BEGAIN: variants seen among roughly 807,000 people sequenced by gnomAD.
BEGAIN encodes the protein brain-enriched guanylate kinase-associated protein.
Under a neutral mutation model 35.8 loss-of-function variants are expected in BEGAIN, and 19 were observed. That is an observed-to-expected ratio of 0.53 (90% CI 0.37 to 0.78). The LOEUF (loss-of-function observed/expected upper bound fraction) is 0.78, where lower values mean the gene tolerates loss of function less well. BEGAIN is among the 30% of genes least tolerant of loss of function. BEGAIN has a pLI of 0.00. For missense variants in BEGAIN, 795 were observed against 853.6 expected (o/e 0.93, Z 0.85); for synonymous variants, 462 against 388.6 (o/e 1.19, Z -2.22).
rs1413113831 is a variant in BEGAIN at position 100,567,901 on chromosome 14, C to T, written c.71+10G>A. The T allele has an allele frequency of 6.8e-7, 1 of 1,468,038 alleles. No homozygotes were observed. The highest frequency in any genetic ancestry group is 3.1e-5 in the East Asian group (1 of 32,284). 90.9% of individuals were successfully genotyped at this position (1,468,038 alleles called of 1,614,324 possible). A position where few individuals can be genotyped will look rare whatever the true frequency, so the allele number is the denominator to read the frequency against. On this transcript the variant is annotated intron_variant, in intron 2 of 6. Coordinates refer to ENST00000554140, the MANE Select transcript of BEGAIN (RefSeq NM_001385089.1). This position sits in a 1 kb window ranked among gnomAD's most constrained non-coding sequence, Gnocchi z 5.1. ...CCCGCGAGCCGCGGCACGGGAGACGCTCCACTCACCTGAGTTTCTCCATGT... is the reference window on the plus strand; with the variant it reads ...CCCGCGAGCCGCGGCACGGGAGACGTTCCACTCACCTGAGTTTCTCCATGT...
At position 100,563,497 on chromosome 14, in the gene BEGAIN, G is replaced by A. The variant is rs1170983242; in HGVS notation, c.71+4414C>T. Reference sequence around the variant, plus strand: ...GTGGCTGCTGCATGTGTAACTGACAGTGTGAAGAGCTCCCACAAATCAATG... The same window carrying A: ...GTGGCTGCTGCATGTGTAACTGACAATGTGAAGAGCTCCCACAAATCAATG... On this transcript the variant is annotated intron_variant, in intron 2 of 6. Coordinates refer to ENST00000554140, the MANE Select transcript of BEGAIN (RefSeq NM_001385089.1). The surrounding 1 kb of genome is among the most constrained non-coding windows in gnomAD (Gnocchi z 4.2). Among the ~76,000 whole-genome samples the A allele has an allele frequency of 6.6e-6, 1 of 152,268 alleles. No individual in the cohort carries two copies. Among genetic ancestry groups the A allele is most frequent in the Non-Finnish European group, 1.5e-5 (1 of 68,046 alleles).
chr14:100,582,681 C>G (rs919060714), intron 1 of BEGAIN, among the ~76,000 whole-genome samples: 1 of 152,148 alleles, frequency 6.6e-6, no homozygotes, highest in Non-Finnish European at 1.5e-5. Flanking sequence ...AGGGAGATCC[C>G]TGGGCAAGGA....
At position 100,587,400 on chromosome 14, in the gene BEGAIN, C is replaced by T. The variant is rs1204800903; in HGVS notation, c.-110G>A. On this transcript the variant is annotated 5_prime_UTR_variant, in exon 1 of 7. Transcript: ENST00000554140. ...GCGGCCGGGGCTCCCCCACCCCGCC[C>T]GGCTTCCCGCAGGGAGCGCCCGCCC... 1 of 145,814 alleles carries T rather than the reference C, an allele frequency of 6.9e-6. No individual in the cohort carries two copies. Among genetic ancestry groups the T allele is most frequent in the African/African-American group, 2.5e-5 (1 of 40,572 alleles). 9.0% of individuals were successfully genotyped at this position (145,814 alleles called of 1,614,324 possible).
In BEGAIN at chr14:100,539,035, C is replaced by G. The variant is rs199580206; in HGVS notation, c.773G>C (p.Arg258Pro). The G allele has an allele frequency of 3.1e-6, 5 of 1,611,912 alleles. No homozygotes were observed. The highest frequency in any genetic ancestry group is 4.2e-6 in the Non-Finnish European group (5 of 1,179,506). ...CACGCTAGGCCGCCGGTCTCGCCGC[C>G]GCTCCTCCGGGCAGTAGAGGGCTGT... ...SDTALYCPEE[R>P]RRDRRPSVDA... Residue 258 changes from arginine to proline, a missense_variant, in exon 7 of 7, where the codon CGG becomes CCG. Around this residue, in one of 3 missense-constraint regions of BEGAIN, gnomAD observed 664 missense variants for 647.7 expected, o/e 1.03. Transcript: ENST00000554140.
At chr14:100,546,809 C>CT in intron 2 of BEGAIN, 147 bp from the exon 3 acceptor site, 1 of 597,014 alleles carries the variant, frequency 1.7e-6, no homozygotes, top group Non-Finnish European at 2.6e-6. Flanking sequence ...CACACACACA[C>CT]ACACTCACAC....
chr14:100,572,635 G>C (rs567760346), intron 1 of BEGAIN, among the ~76,000 whole-genome samples: 5 of 152,308 alleles, frequency 3.3e-5, no homozygotes, highest in African/African-American at 1.2e-4. Flanking sequence ...GAGCCCTGGG[G>C]GGTTGGGCCT....
rs2034946670 is a variant in BEGAIN, at chr14:100,568,808, A to G, written c.43-869T>C. 1.1e-6 allele frequency: 1 copy of G among 944,888 alleles called. No homozygotes were observed. The highest frequency in any genetic ancestry group is 1.3e-6 in the Non-Finnish European group (1 of 793,006). 58.5% of individuals were successfully genotyped at this position (944,888 alleles called of 1,614,324 possible). The stretch of plus-strand genomic sequence containing the variant: ...GGGCGGGCTCTCTATCACCCGGGAG[A>G]GGCCGCTCCCCGGGGCTTTGCCCGT... On this transcript the variant is annotated intron_variant, in intron 1 of 6. Transcript: ENST00000554140. The surrounding 1 kb of genome is among the most constrained non-coding windows in gnomAD (Gnocchi z 7.5).
rs888364673 is a variant in BEGAIN, at chr14:100,586,585, C to T, written c.42+664G>A. Among the ~76,000 whole-genome samples the T allele has an allele frequency of 2.6e-5, 4 of 152,158 alleles. No individual in the cohort carries two copies. Among genetic ancestry groups the T allele is most frequent in the African/African-American group, 9.6e-5 (4 of 41,468 alleles). ...CGCTGGGGCAGAAATTCCCATCCAA[C>T]GTGCTGGGGCTCAGGGAGGGTGAGC... On this transcript the variant is annotated intron_variant, in intron 1 of 6. Transcript: ENST00000554140. The surrounding 1 kb of genome is among the most constrained non-coding windows in gnomAD (Gnocchi z 4.9).
rs2034908554 is a variant in BEGAIN, at chr14:100,568,436, G to T, written c.43-497C>A. The T allele has an allele frequency of 7.8e-7, 1 of 1,283,218 alleles. No homozygotes were observed. The highest frequency in any genetic ancestry group is 1.5e-5 in the African/African-American group (1 of 65,626). 79.5% of individuals were successfully genotyped at this position (1,283,218 alleles called of 1,614,324 possible). ...GGGGCCGTGCAGGATTGCAGAACCT[G>T]ACACTCACACAATCCGAGGGCGATG... On this transcript the variant is annotated intron_variant, in intron 1 of 6. Transcript: ENST00000554140. The surrounding 1 kb of genome is among the most constrained non-coding windows in gnomAD (Gnocchi z 7.5).
At chr14:100,555,866 C>A (rs2033669201) in intron 2 of BEGAIN, among the ~76,000 whole-genome samples, 2 of 152,152 alleles carry the variant, frequency 1.3e-5, no homozygotes, top group Admixed American at 6.5e-5. Flanking sequence ...CCGTGGCTGA[C>A]CTCTGCAGTG....
chr14:100,552,428 G>A (rs539918139), intron 2 of BEGAIN, among the ~76,000 whole-genome samples: 51 of 152,310 alleles, frequency 3.3e-4, no homozygotes, highest in African/African-American at 1.2e-3. Context: ...GAGAAAACTG[G>A]GACCCAGAGA....
chr14:100,539,123 A>C lies in BEGAIN; in HGVS notation c.685T>G (p.Cys229Gly), dbSNP rs2031141283. The C allele has an allele frequency of 6.2e-7, 1 of 1,606,976 alleles. No individual in the cohort carries two copies. Among genetic ancestry groups the C allele is most frequent in the African/African-American group, 1.3e-5 (1 of 74,768 alleles). ...GGGCCTGGTTTCTCCACCCCGTCGC[A>C]GAAGGCCAGGTCGCGGGCGGAGGCA... Reference protein sequence around the residue: ...SDASARDLAFCDGVEKPGPRP... With the variant: ...SDASARDLAFGDGVEKPGPRP... The change falls in exon 7 of 7, where the codon TGC becomes GGC. Residue 229 changes from cysteine (C) to glycine (G), a missense_variant. Coordinates refer to ENST00000554140, the MANE Select transcript of BEGAIN (RefSeq NM_001385089.1).
intron 1 of BEGAIN, among the ~76,000 whole-genome samples, chr14:100,574,402 G>A (rs1165698609): frequency 2.6e-5 from 4 of 152,190 alleles, no homozygotes; most frequent in African/African-American, 9.6e-5. Flanking sequence ...TTCATACAGG[G>A]CCTCCCTTTT....
At chr14:100,580,651 C>A (rs971463469) in intron 1 of BEGAIN, among the ~76,000 whole-genome samples, 2 of 152,168 alleles carry the variant, frequency 1.3e-5, no homozygotes, top group Non-Finnish European at 2.9e-5. Flanking sequence ...AGTACCCCTG[C>A]GGCAGCCCCT....
At chr14:100,548,317 G>C (rs998679287) in intron 2 of BEGAIN, 7 of 152,142 alleles carry the variant, frequency 4.6e-5, no homozygotes, top group African/African-American at 1.7e-4. Flanking sequence ...TCCTCCCCAG[G>C]GAGGTGGTGA....
At chr14:100,574,255 C>A (rs904649549) in intron 1 of BEGAIN, among the ~76,000 whole-genome samples, 1 of 152,232 alleles carries the variant, frequency 6.6e-6, no homozygotes, top group African/African-American at 2.4e-5. Context: ...TGAACCCAGG[C>A]CCTGGCTTGG....
rs1056122237 is a variant in BEGAIN at position 100,573,725 on chromosome 14, G to A, written c.43-5786C>T. Among the ~76,000 whole-genome samples, 1 of 152,122 alleles carries A rather than the reference G, an allele frequency of 6.6e-6. No individual in the cohort carries two copies. Among genetic ancestry groups the A allele is most frequent in the African/African-American group, 2.4e-5 (1 of 41,428 alleles). ...GGTGGTGCCCCTTGGCCATCCCAGG[G>A]GAGACACCAAGGGCTGGGAAATGGG... On this transcript the variant is annotated intron_variant, in intron 1 of 6. Transcript: ENST00000554140. This position sits in a 1 kb window ranked among gnomAD's most constrained non-coding sequence, Gnocchi z 4.2.
intron 5 of BEGAIN, among the ~76,000 whole-genome samples, chr14:100,541,599 C>T (rs999149871): frequency 1.3e-5 from 2 of 152,190 alleles, no homozygotes; most frequent in Non-Finnish European, 2.9e-5. Context: ...TGAGAACTGA[C>T]CCCTTGTATG....
intron 1 of BEGAIN, among the ~76,000 whole-genome samples, chr14:100,574,510 G>C (rs943482452): frequency 1.4e-5 from 2 of 142,712 alleles, no homozygotes. Flanking sequence ...TATTTGGCCT[G>C]CACAAAGGTT....
Sources: allele counts gnomAD v4.1 joint callset (sites outside exome capture counted in the v4.1 genomes callset), GRCh38; gene constraint gnomAD v4.1.1; regional missense constraint gnomAD v4.1.1; non-coding constraint Gnocchi (gnomAD v3.1); transcripts MANE v1.5; gene names NCBI Gene and HGNC (gene_info 2026-07-23, HGNC 2026-07-21).